TTC6: variants seen among roughly 807,000 people sequenced by gnomAD.
TTC6 encodes tetratricopeptide repeat domain 6.
In TTC6, 172 loss-of-function variants were observed where a neutral mutation model predicts 210.4. The observed-to-expected ratio is 0.82, with a 90% CI of 0.72 to 0.93. The LOEUF (loss-of-function observed/expected upper bound fraction) is 0.93. TTC6 is among the 40% of genes least tolerant of loss of function. The pLI is 0.00. For missense variants in TTC6, 2,414 were observed against 2,318.1 expected, an observed-to-expected ratio of 1.04 and a Z score of -0.85; for synonymous variants, 804 against 819.6, an observed-to-expected ratio of 0.98 and a Z score of 0.32.
chr14:37,693,316 A>C (rs536609975), intron 3 of TTC6, among the ~76,000 whole-genome samples: 1 of 152,286 alleles, frequency 6.6e-6, no homozygotes, highest in African/African-American at 2.4e-5. Context: ...TAACCAAAGA[A>C]GTGAAGGATC....
exon 23 of TTC6, chr14:37,807,341 T>G: frequency 6.5e-7 from 1 of 1,530,226 alleles, no homozygotes; most frequent in African/African-American, 1.4e-5. Flanking sequence ...CCGAGTAGCA[T>G]TCTATGGTTT....
At chr14:37,787,790 G>T (rs534929924) in intron 15 of TTC6, among the ~76,000 whole-genome samples, 153 bp downstream of exon 17, 1 of 151,694 alleles carries the variant, frequency 6.6e-6, no homozygotes, top group Non-Finnish European at 1.5e-5. Flanking sequence ...ATGAGCTTAC[G>T]CATTTTAATA....
chr14:37,797,015 C>A, intron 20 of TTC6, 68 bp downstream of exon 22: 2 of 1,296,382 alleles, frequency 1.5e-6, no homozygotes, highest in Non-Finnish European at 2.0e-6. Context: ...CTTAGTATAC[C>A]ACTTTAAATA....
chr14:37,602,768 C>T (rs775998257), intron 1 of TTC6, among the ~76,000 whole-genome samples: 1 of 152,182 alleles, frequency 6.6e-6, no homozygotes, highest in Admixed American at 6.5e-5. Flanking sequence ...GGGGTCGGAA[C>T]TTGGATCAAG....
chr14:37,767,728 A>C (rs2096003795), intron 14 of TTC6, among the ~76,000 whole-genome samples: 1 of 151,656 alleles, frequency 6.6e-6, no homozygotes, highest in African/African-American at 2.4e-5. Context: ...AGGCTGCGAA[A>C]ATTTTCTCCC....
chr14:37,764,056 C>T (rs1474130734), intron 14 of TTC6, among the ~76,000 whole-genome samples: 1 of 151,976 alleles, frequency 6.6e-6, no homozygotes, highest in Non-Finnish European at 1.5e-5. Flanking sequence ...GACCTATCTG[C>T]CATTTAATTT....
intron 7 of TTC6, 83 bp from the exon 10 acceptor site, chr14:37,735,838 G>A: frequency 1.3e-6 from 1 of 748,724 alleles, no homozygotes; most frequent in South Asian, 2.0e-5. Flanking sequence ...TGTTAATAAT[G>A]TTGTACTATG....
chr14:37,738,892 A>G (rs1358108178), exon 10 of TTC6: 1 of 1,535,288 alleles, frequency 6.5e-7, no homozygotes, highest in East Asian at 2.4e-5. Context: ...AGGAATTGAA[A>G]CGTCAGCTCC....
intron 14 of TTC6, among the ~76,000 whole-genome samples, chr14:37,770,012 C>T (rs1191826110): frequency 3.9e-5 from 6 of 152,096 alleles, no homozygotes; most frequent in East Asian, 1.9e-4. Context: ...GTCTTTGTTC[C>T]CGTTGGTTTC....
chr14:37,738,515 T>A (rs1019729998), intron 9 of TTC6, among the ~76,000 whole-genome samples: 7 of 152,096 alleles, frequency 4.6e-5, no homozygotes, highest in African/African-American at 1.7e-4. Flanking sequence ...AAAATCATAA[T>A]ACATATCTAA....
At chr14:37,654,214 T>A (rs2139433973) in intron 1 of TTC6, among the ~76,000 whole-genome samples, 1 of 152,264 alleles carries the variant, frequency 6.6e-6, no homozygotes, top group African/African-American at 2.4e-5. Context: ...TGCTTGGTAC[T>A]GTCTTTGAGA....
At chr14:37,742,059 A>G (rs1037900581) in intron 10 of TTC6, among the ~76,000 whole-genome samples, 1 of 151,940 alleles carries the variant, frequency 6.6e-6, no homozygotes, top group Admixed American at 6.6e-5. Context: ...CTTACCTCCT[A>G]TGTGGGCTTT....
intron 6 of TTC6, among the ~76,000 whole-genome samples, chr14:37,723,425 A>G (rs1193230608): frequency 6.6e-6 from 1 of 152,210 alleles, no homozygotes; most frequent in South Asian, 2.1e-4. Context: ...ACATATTTCT[A>G]TATGTAAACA....
intron 3 of TTC6, among the ~76,000 whole-genome samples, chr14:37,684,059 T>A (rs2095789443): frequency 6.6e-6 from 1 of 152,096 alleles, no homozygotes; most frequent in African/African-American, 2.4e-5. Flanking sequence ...TCCTCATTCT[T>A]CAATTTTTGC....
chr14:37,771,438 C>T (rs2139184379), intron 14 of TTC6, among the ~76,000 whole-genome samples: 1 of 152,318 alleles, frequency 6.6e-6, no homozygotes, highest in Admixed American at 6.5e-5. Context: ...CTTTCAGGTA[C>T]ACCAATCGGA....
chr14:37,676,621 C>CTA (rs2095770240), intron 1 of TTC6, among the ~76,000 whole-genome samples: 1 of 151,968 alleles, frequency 6.6e-6, no homozygotes, highest in South Asian at 2.1e-4. Flanking sequence ...GTTGTTATAT[C>CTA]TAAGAAGCTA....
Position 37,663,944 on chromosome 14 carries a change from A to T in TTC6, c.940-16207A>T, listed in dbSNP as rs368174457. 3.8e-3 allele frequency among the ~76,000 whole-genome samples: 521 copies of T among 136,688 alleles called. 20 individuals carry two copies. The highest frequency in any genetic ancestry group is 6.8e-3 in the Non-Finnish European group (387 of 57,230). 89.7% of individuals were successfully genotyped at this position (136,688 alleles called of 152,430 possible). On this transcript the variant is annotated intron_variant, in intron 1 of 30. Transcript: ENST00000553443. Reference sequence around the variant, plus strand: ...TAAATACCTAGGACTATAGCTAATAAGGGAAGTGAAGGACCTCTTCAAGGA... The same window carrying T: ...TAAATACCTAGGACTATAGCTAATATGGGAAGTGAAGGACCTCTTCAAGGA...
At chr14:37,821,490 T>C (rs2096157075) in intron 26 of TTC6, among the ~76,000 whole-genome samples, 1 of 152,192 alleles carries the variant, frequency 6.6e-6, no homozygotes, top group Non-Finnish European at 1.5e-5. Flanking sequence ...CTGATTCCCA[T>C]ATGTGGATGT....
intron 1 of TTC6, among the ~76,000 whole-genome samples, chr14:37,657,047 T>G (rs1165682283): frequency 2.6e-5 from 4 of 151,624 alleles, no homozygotes; most frequent in Non-Finnish European, 5.9e-5. Context: ...CCGTCTCTAT[T>G]AAAAATACTA....
Sources: gnomAD v4.1 joint callset for allele counts (sites outside exome capture counted in the v4.1 genomes callset) on GRCh38, gnomAD v4.1.1 for gene constraint, MANE v1.5 for transcripts, NCBI Gene and HGNC (gene_info 2026-07-23, HGNC 2026-07-21) for gene names.